The following GPR39 variants were observed in gnomAD, a reference collection of about 807,000 sequenced individuals.
The protein encoded by GPR39 is G protein-coupled receptor 39.
In GPR39, 23 loss-of-function variants were observed where a neutral mutation model predicts 18.4. That is an observed-to-expected ratio of 1.25 (90% CI 0.90 to 1.77). The LOEUF (loss-of-function observed/expected upper bound fraction) is 1.77, where lower values mean the gene tolerates loss of function less well. Among genes scored for constraint, GPR39 ranks in the 40% most tolerant of loss-of-function variants. The probability of loss-of-function intolerance (pLI) is 0.00; values close to 1 mark genes in which losing one functional copy is unlikely to be tolerated. For missense variants in GPR39, 647 were observed against 602.4 expected, an observed-to-expected ratio of 1.07 and a Z score of -0.78; for synonymous variants, 280 against 257.9, an observed-to-expected ratio of 1.09 and a Z score of -0.82.
intron 1 of GPR39, among the ~76,000 whole-genome samples, chr2:132,621,631 T>C (rs10185227): frequency 0.023 from 3,573 of 152,164 alleles, 127 homozygotes; most frequent in African/African-American, 0.081. Flanking sequence ...GAGGTACAAG[T>C]AGGGACAGCT....
chr2:132,486,097 G>T (rs1681332449), intron 1 of GPR39, among the ~76,000 whole-genome samples: 1 of 152,196 alleles, frequency 6.6e-6, no homozygotes, highest in Non-Finnish European at 1.5e-5. Context: ...GGAGCTTTCA[G>T]GTGACCAGGT....
intron 1 of GPR39, among the ~76,000 whole-genome samples, chr2:132,551,003 T>G (rs1680033259): frequency 6.6e-6 from 1 of 152,178 alleles, no homozygotes; most frequent in Non-Finnish European, 1.5e-5. Flanking sequence ...TCTGTTGCAG[T>G]AAGTTTGTTG....
At chr2:132,493,256 A>G (rs1261952161) in intron 1 of GPR39, among the ~76,000 whole-genome samples, 9 of 144,960 alleles carry the variant, frequency 6.2e-5, no homozygotes, top group African/African-American at 2.3e-4. Flanking sequence ...TATATACACC[A>G]TATATATACC....
At chr2:132,566,846 C>T (rs1411541489) in intron 1 of GPR39, among the ~76,000 whole-genome samples, 1 of 152,210 alleles carries the variant, frequency 6.6e-6, no homozygotes, top group African/African-American at 2.4e-5. Flanking sequence ...CTTTTCCTTC[C>T]CGTGAACATT....
chr2:132,543,115 A>T (rs1408685062), intron 1 of GPR39, among the ~76,000 whole-genome samples: 1 of 152,212 alleles, frequency 6.6e-6, no homozygotes, highest in Non-Finnish European at 1.5e-5. Flanking sequence ...AGGAAGAATT[A>T]GGCAAGTGGA....
rs757983807 is a variant in GPR39, at chr2:132,508,886, G to C, written c.856+90988G>C. 5.3e-5 allele frequency among the ~76,000 whole-genome samples: 8 copies of C among 152,234 alleles called. No homozygotes were observed. In the South Asian group the frequency reaches 1.7e-3, roughly 32 times the overall value. ...AGTTGTCCACCAGTCCATACCTGTT[G>C]GACTAGGAGACTCAGAACTTCTAGG... On this transcript the variant is annotated intron_variant, in intron 1 of 1. Transcript: ENST00000329321.
chr2:132,598,431 CTTTTTTT>C (rs34104835), intron 1 of GPR39, among the ~76,000 whole-genome samples: 1 of 90,460 alleles, frequency 1.1e-5, no homozygotes, highest in East Asian at 3.3e-4. Flanking sequence ...CTAAGGTGAA[CTTTTTTT>C]TTTTTTTTTT....
chr2:132,460,633 T>C (rs2104776779), intron 1 of GPR39, among the ~76,000 whole-genome samples: 1 of 152,212 alleles, frequency 6.6e-6, no homozygotes, highest in East Asian at 1.9e-4. Flanking sequence ...GAAAAAAAGG[T>C]GGCAGAGGTT....
chr2:132,598,431 C>CTTTTTTTTTTTT (rs34104835), intron 1 of GPR39, among the ~76,000 whole-genome samples: 11 of 90,464 alleles, frequency 1.2e-4, no homozygotes, highest in African/African-American at 3.6e-4. Context: ...CTAAGGTGAA[C>CTTTTTTTTTTTT]TTTTTTTTTT....
chr2:132,544,205 C>T (rs745947518), intron 1 of GPR39, among the ~76,000 whole-genome samples: 3 of 152,186 alleles, frequency 2.0e-5, no homozygotes, highest in African/African-American at 7.2e-5. Context: ...CTCTGGCTTG[C>T]CTGGGAGACT....
Position 132,417,627 on chromosome 2 carries a change from C to T in GPR39, c.585C>T (p.Ser195=), listed in dbSNP as rs748589458. ...GGGGTCTCACTTGCAACCGCTCCAG[C>T]ACCCGCCACCACGAGCAGCCCGAGA... is the stretch of plus-strand genomic sequence containing the variant. ...SHRGLTCNRS[S]TRHHEQPETS... The change falls in exon 1 of 2, where the codon AGC becomes AGT. Residue 195 remains serine, a synonymous_variant. Transcript: ENST00000329321. The T allele has an allele frequency of 1.9e-6, 3 of 1,613,974 alleles. No homozygotes were observed. The African/African-American group carries it at 4.0e-5, about 22-fold the overall frequency.
intron 1 of GPR39, among the ~76,000 whole-genome samples, chr2:132,456,406 C>T (rs1248072146): frequency 6.6e-6 from 1 of 151,846 alleles, no homozygotes; most frequent in Non-Finnish European, 1.5e-5. Context: ...GAATACAGCA[C>T]ACTGATGGGT....
intron 1 of GPR39, among the ~76,000 whole-genome samples, chr2:132,605,800 A>T (rs1466606498): frequency 1.3e-5 from 2 of 152,284 alleles, no homozygotes; most frequent in Non-Finnish European, 2.9e-5. Context: ...AATAAGAGAG[A>T]CATCAGGGCA....
At position 132,559,787 on chromosome 2, in the gene GPR39, A is replaced by G. The variant is rs540513313; in HGVS notation, c.857-85314A>G. ...TTCTCCAAGGGTAACATGTGTTCCA[A>G]TCACCTGGGGACCTGTGACATGCAG... On this transcript the variant is annotated intron_variant, in intron 1 of 1. Transcript: ENST00000329321. Among the ~76,000 whole-genome samples the G allele has an allele frequency of 5.3e-5, 8 of 152,258 alleles. 1 individual carries two copies. The highest frequency in any genetic ancestry group is 1.9e-4 in the African/African-American group (8 of 41,548).
intron 1 of GPR39, among the ~76,000 whole-genome samples, chr2:132,627,974 C>T (rs1246815486): frequency 1.3e-5 from 2 of 152,170 alleles, no homozygotes; most frequent in East Asian, 3.9e-4. Context: ...AGCAATGACC[C>T]AGGTGGACGC....
intron 1 of GPR39, among the ~76,000 whole-genome samples, chr2:132,535,479 G>T (rs1679738861): frequency 6.6e-6 from 1 of 152,100 alleles, no homozygotes; most frequent in African/African-American, 2.4e-5. Flanking sequence ...TTTTATTGAG[G>T]ATTTTCACAT....
intron 1 of GPR39, among the ~76,000 whole-genome samples, chr2:132,544,860 G>C (rs1679917497): frequency 6.6e-6 from 1 of 152,186 alleles, no homozygotes; most frequent in Admixed American, 6.5e-5. Context: ...GGCTCAGAAT[G>C]GGAAGTGCAT....
At chr2:132,608,265 GTA>G (rs1681176782) in intron 1 of GPR39, among the ~76,000 whole-genome samples, 2 of 152,214 alleles carry the variant, frequency 1.3e-5, no homozygotes, top group Admixed American at 6.5e-5. Flanking sequence ...TAAGAAAGCA[GTA>G]TTGGGGCATG....
intron 1 of GPR39, among the ~76,000 whole-genome samples, chr2:132,449,329 C>T (rs1006324589): frequency 1.3e-5 from 2 of 152,116 alleles, no homozygotes; most frequent in Non-Finnish European, 2.9e-5. Context: ...CTCACTGCAA[C>T]CTCCGCCTCA....
Sources: allele counts gnomAD v4.1 joint callset (sites outside exome capture counted in the v4.1 genomes callset), GRCh38; gene constraint gnomAD v4.1.1; transcripts MANE v1.5; gene names NCBI Gene and HGNC (gene_info 2026-07-23, HGNC 2026-07-21).